Variants in IMMP2L observed in about 807,000 individuals in gnomAD.
The protein encoded by IMMP2L is inner mitochondrial membrane peptidase subunit 2, also known as mitochondrial inner membrane protease subunit 2.
IMMP2L carries 18 observed loss-of-function variants against 19.3 expected under a neutral mutation model. That is an observed-to-expected ratio of 0.93 (90% confidence interval 0.64 to 1.38). IMMP2L has a LOEUF of 1.38. IMMP2L is among the 40% of genes most tolerant of loss of function. The probability of loss-of-function intolerance (pLI) is 0.00; values close to 1 mark genes in which losing one functional copy is unlikely to be tolerated. For synonymous variants in IMMP2L, 76 were observed against 73.0 expected, an observed-to-expected ratio of 1.04 and a Z score of -0.21; for missense variants, 233 against 218.2, an observed-to-expected ratio of 1.07 and a Z score of -0.43.
intron 3 of IMMP2L, among the ~76,000 whole-genome samples, chr7:110,996,188 C>T (rs1823008351): frequency 6.6e-6 from 1 of 152,116 alleles, no homozygotes. Context: ...TACAGGGCAT[C>T]TGACCTAGTT....
intron 3 of IMMP2L, among the ~76,000 whole-genome samples, chr7:111,470,113 C>T (rs1841096074): frequency 6.6e-6 from 1 of 152,134 alleles, no homozygotes; most frequent in South Asian, 2.1e-4. Flanking sequence ...AGTCAAAAGA[C>T]ACATGAAAAA....
chr7:110,959,946 A>AAG (rs1818759047), intron 4 of IMMP2L, among the ~76,000 whole-genome samples: 1 of 151,942 alleles, frequency 6.6e-6, no homozygotes, highest in African/African-American at 2.4e-5. Flanking sequence ...TTTCCTCAGA[A>AAG]AGGTCTGTTG....
chr7:111,439,639 G>A (rs1006485796), intron 3 of IMMP2L, among the ~76,000 whole-genome samples: 3 of 151,884 alleles, frequency 2.0e-5, no homozygotes, highest in African/African-American at 7.3e-5. Context: ...TTTAGCTGTG[G>A]AAGTGTCTTG....
At chr7:111,024,249 GA>G (rs1269395290) in intron 3 of IMMP2L, among the ~76,000 whole-genome samples, 1 of 152,142 alleles carries the variant, frequency 6.6e-6, no homozygotes, top group Non-Finnish European at 1.5e-5. Flanking sequence ...TGTACAACTG[GA>G]TAAGTTTTGA....
intron 2 of IMMP2L, among the ~76,000 whole-genome samples, chr7:111,515,797 C>A (rs1425479005): frequency 6.6e-6 from 1 of 152,012 alleles, no homozygotes; most frequent in Non-Finnish European, 1.5e-5. Flanking sequence ...AGTTTAAAAT[C>A]TTTTTCCCCC....
intron 3 of IMMP2L, among the ~76,000 whole-genome samples, chr7:111,456,421 T>G (rs1295199373): frequency 1.3e-5 from 2 of 151,846 alleles, no homozygotes; most frequent in African/African-American, 4.9e-5. Context: ...CTTGTAAAAC[T>G]GCTGTTATTA....
At chr7:110,953,067 C>A (rs913431575) in intron 4 of IMMP2L, among the ~76,000 whole-genome samples, 1 of 152,098 alleles carries the variant, frequency 6.6e-6, no homozygotes, top group African/African-American at 2.4e-5. Flanking sequence ...ATATGGGGAA[C>A]TCCCCACAGA....
Position 111,562,421 on chromosome 7 carries a change from G to C in IMMP2L, c.-573C>G, listed in dbSNP as rs1563364370. On this transcript the variant is annotated 5_prime_UTR_variant, in exon 1 of 6. Coordinates refer to ENST00000405709, the MANE Select transcript of IMMP2L (RefSeq NM_032549.4). Reference sequence around the variant, plus strand: ...CCCGCCGACCCCTGCCAGCCTCACAGCCCCCCACCCGCCGCCGGACGCCGG... The same window carrying C: ...CCCGCCGACCCCTGCCAGCCTCACACCCCCCCACCCGCCGCCGGACGCCGG... 6.6e-6 allele frequency: 1 copy of C among 150,848 alleles called. No homozygotes were observed. The highest frequency in any genetic ancestry group is 2.4e-5 in the African/African-American group (1 of 41,052). The allele number at this position is 150,848 out of a possible 1,614,324, so 9.3% of individuals were successfully genotyped here.
chr7:111,190,221 T>G (rs956533919), intron 3 of IMMP2L, among the ~76,000 whole-genome samples: 2 of 152,098 alleles, frequency 1.3e-5, no homozygotes, highest in African/African-American at 4.8e-5. Context: ...ATGACGGTTA[T>G]TATTTTTAAC....
At chr7:111,111,942 G>GTTTTTTTTTTT (rs748410980) in intron 3 of IMMP2L, among the ~76,000 whole-genome samples, 5 of 84,126 alleles carry the variant, frequency 5.9e-5, no homozygotes, top group Non-Finnish European at 8.8e-5. Flanking sequence ...TATATAGTTT[G>GTTTTTTTTTTT]TTTTTTTTTT....
chr7:111,294,151 A>G (rs1032929418), intron 3 of IMMP2L, among the ~76,000 whole-genome samples: 1 of 151,878 alleles, frequency 6.6e-6, no homozygotes, highest in Non-Finnish European at 1.5e-5. Flanking sequence ...AAGAAACTTA[A>G]AGTTTGGGTT....
At chr7:110,779,947 G>C (rs1554415009) in intron 5 of IMMP2L, among the ~76,000 whole-genome samples, 1 of 151,718 alleles carries the variant, frequency 6.6e-6, no homozygotes, top group Non-Finnish European at 1.5e-5. Flanking sequence ...AACACACGTT[G>C]GCTATAAAAG....
At chr7:110,694,540 T>A (rs1793735488) in intron 5 of IMMP2L, among the ~76,000 whole-genome samples, 1 of 152,094 alleles carries the variant, frequency 6.6e-6, no homozygotes, top group Non-Finnish European at 1.5e-5. Context: ...AAGGAGTAAA[T>A]GTGATTTCTT....
intron 3 of IMMP2L, among the ~76,000 whole-genome samples, chr7:110,995,884 G>A (rs142846578): frequency 2.0e-4 from 30 of 152,180 alleles, no homozygotes; most frequent in African/African-American, 7.2e-4. Flanking sequence ...AATTCTACAG[G>A]TTAGGACATT....
At chr7:111,361,479 T>C (rs1169278998) in intron 3 of IMMP2L, among the ~76,000 whole-genome samples, 1 of 152,168 alleles carries the variant, frequency 6.6e-6, no homozygotes, top group Non-Finnish European at 1.5e-5. Context: ...CTTTCTATAG[T>C]AGCAGTTGCA....
intron 3 of IMMP2L, among the ~76,000 whole-genome samples, chr7:111,105,195 A>T (rs978880365): frequency 2.0e-5 from 3 of 151,882 alleles, no homozygotes; most frequent in African/African-American, 7.2e-5. Context: ...AATTAATTTG[A>T]TTCTTCTTCA....
intron 3 of IMMP2L, among the ~76,000 whole-genome samples, chr7:111,416,211 ATGCTTGAAAGGTCACCTGTTCAC>A (rs1351142202): frequency 6.6e-6 from 1 of 151,908 alleles, no homozygotes; most frequent in African/African-American, 2.4e-5. Context: ...TTTATATACG[ATGCTTGAAAGGTCACCTGTTCAC>A]TGCATTAAAA....
chr7:111,313,650 C>T (rs1376939483), intron 3 of IMMP2L, among the ~76,000 whole-genome samples: 1 of 152,114 alleles, frequency 6.6e-6, no homozygotes, highest in Middle Eastern at 3.4e-3. Context: ...CCCAGAGTTA[C>T]AGATGTAAAA....
intron 3 of IMMP2L, among the ~76,000 whole-genome samples, chr7:111,207,541 T>G (rs1056329798): frequency 6.4e-5 from 9 of 141,676 alleles, no homozygotes; most frequent in South Asian, 2.4e-4. Flanking sequence ...TTGGTTTTTT[T>G]TTTTTTTTTT....
Sources: allele counts gnomAD v4.1 joint callset (sites outside exome capture counted in the v4.1 genomes callset), GRCh38; gene constraint gnomAD v4.1.1; transcripts MANE v1.5; gene names NCBI Gene and HGNC (gene_info 2026-07-23, HGNC 2026-07-21).